Variants in PRKAR1B observed in about 807,000 individuals in gnomAD.
PRKAR1B encodes the protein protein kinase cAMP-dependent type I regulatory subunit beta.
In PRKAR1B, 22 loss-of-function variants were observed where a neutral mutation model predicts 46.5. That is an observed-to-expected ratio of 0.47 (90% CI 0.34 to 0.68). The LOEUF is 0.68. Ranked by LOEUF, PRKAR1B falls within the 30% of genes least tolerant of loss-of-function variation. The pLI is 0.01. For synonymous variants in PRKAR1B, 259 were observed against 217.7 expected (o/e 1.19, Z -1.67); for missense variants, 445 against 535.6 (o/e 0.83, Z 1.67).
In PRKAR1B at chr7:694,951, G is replaced by A. The variant is rs182754900; in HGVS notation, c.178-14225C>T. On this transcript the variant is annotated intron_variant, in intron 2 of 10. Transcript: ENST00000537384. ...CTCGGGAGGCTGAGGCAGGAGAATC[G>A]CTTGAACCCAGGAGGCGGAAGTTGC... Among the ~76,000 whole-genome samples, 448 of 151,356 alleles carry A rather than the reference G, an allele frequency of 3.0e-3. 4 individuals carry two copies. The highest frequency in any genetic ancestry group is 0.01 in the African/African-American group (428 of 41,090).
At chr7:673,060 A>AC (rs1328973282) in intron 4 of PRKAR1B, among the ~76,000 whole-genome samples, 2 of 133,876 alleles carry the variant, frequency 1.5e-5, no homozygotes, top group Non-Finnish European at 3.2e-5. Flanking sequence ...AAAAAAAAAA[A>AC]AAAAAAAAAA....
rs76576126 is a variant in PRKAR1B at position 710,489 on chromosome 7, G to C, written c.177+840C>G. Among the ~76,000 whole-genome samples the C allele has an allele frequency of 6.7e-3, 1,025 of 152,106 alleles. 14 individuals are homozygous for C. Among genetic ancestry groups the C allele is most frequent in the African/African-American group, 0.024 (984 of 41,496 alleles). On this transcript the variant is annotated intron_variant, in intron 2 of 10. Coordinates refer to ENST00000537384, the MANE Select transcript of PRKAR1B (RefSeq NM_001164760.2). ...CAGGAGGCCAGGAAGGGGGTGAGAGGCATCATTCCCGGAGAGAAGACCGTG... is the reference window on the plus strand; with the variant it reads ...CAGGAGGCCAGGAAGGGGGTGAGAGCCATCATTCCCGGAGAGAAGACCGTG...
rs1208474510 is a variant in PRKAR1B at position 693,992 on chromosome 7, G to C, written c.178-13266C>G. On this transcript the variant is annotated intron_variant, in intron 2 of 10. Coordinates refer to ENST00000537384, the MANE Select transcript of PRKAR1B (RefSeq NM_001164760.2). ...TGTACTGCCTTTGCGATAACCGCGA[G>C]ACCTGGACTCGGCCGGGCGTGGTGG... Among the ~76,000 whole-genome samples the C allele has an allele frequency of 3.3e-5, 5 of 152,292 alleles. No individual in the cohort carries two copies. In the South Asian group the frequency reaches 6.2e-4, roughly 19 times the overall value.
intron 4 of PRKAR1B, among the ~76,000 whole-genome samples, chr7:663,029 C>T (rs1477657347): frequency 1.3e-5 from 2 of 152,120 alleles, no homozygotes; most frequent in Non-Finnish European, 2.9e-5. Flanking sequence ...AAAGAGGCCC[C>T]AAGACACTCA....
chr7:654,717 T>A (rs1158323533), intron 4 of PRKAR1B, among the ~76,000 whole-genome samples: 2 of 150,530 alleles, frequency 1.3e-5, no homozygotes. Context: ...ATCATCACCA[T>A]CTACATCATC....
intron 2 of PRKAR1B, among the ~76,000 whole-genome samples, chr7:710,786 A>T (rs1430295184): frequency 2.6e-5 from 4 of 151,554 alleles, no homozygotes; most frequent in Non-Finnish European, 5.9e-5. Flanking sequence ...CTGGGATTAC[A>T]GGCGCCGCCA....
chr7:708,790 A>ATTTT (rs367689443), intron 2 of PRKAR1B, among the ~76,000 whole-genome samples: 1 of 131,788 alleles, frequency 7.6e-6, no homozygotes. Flanking sequence ...CCCGGCCCCA[A>ATTTT]TTTTTTTTTT....
At chr7:610,112 C>T (rs2128467313) in intron 4 of PRKAR1B, among the ~76,000 whole-genome samples, 1 of 152,288 alleles carries the variant, frequency 6.6e-6, no homozygotes, top group South Asian at 2.1e-4. Flanking sequence ...GTTTCCAGTG[C>T]TTCTGGTTCC....
chr7:598,637 G>C (rs980737072), intron 6 of PRKAR1B, among the ~76,000 whole-genome samples: 5 of 143,630 alleles, frequency 3.5e-5, no homozygotes, highest in African/African-American at 1.3e-4. Flanking sequence ...AGCACCCTCC[G>C]CACTAAACAC....
At chr7:579,065 C>A in intron 9 of PRKAR1B, 191 bp downstream of exon 9, 4 of 985,466 alleles carry the variant, frequency 4.1e-6, no homozygotes, top group Non-Finnish European at 4.8e-6. Context: ...TGCTAGAGGG[C>A]AGGAGGAATC....
At chr7:635,628 C>G (rs1035979728) in intron 4 of PRKAR1B, among the ~76,000 whole-genome samples, 4 of 152,118 alleles carry the variant, frequency 2.6e-5, no homozygotes, top group Non-Finnish European at 5.9e-5. Context: ...CCAGGCCCTC[C>G]CAGACTATCC....
intron 2 of PRKAR1B, among the ~76,000 whole-genome samples, chr7:684,469 C>T (rs966761402): frequency 6.6e-6 from 1 of 152,182 alleles, no homozygotes; most frequent in Non-Finnish European, 1.5e-5. Context: ...GGCAGGAACG[C>T]TATCTGAGAT....
At chr7:688,246 T>C (rs1040925153) in intron 2 of PRKAR1B, among the ~76,000 whole-genome samples, 5 of 148,826 alleles carry the variant, frequency 3.4e-5, no homozygotes, top group African/African-American at 1.2e-4. Flanking sequence ...ACTAGAAAAA[T>C]ACAAAAAAAG....
In PRKAR1B at chr7:703,845, G is replaced by A. The variant is rs181033443; in HGVS notation, c.177+7484C>T. Reference sequence around the variant, plus strand: ...ATAAACCACACCTTAACAAAATAAAGATTCAAAACCATATAAGCTATGTTC... The same window carrying A: ...ATAAACCACACCTTAACAAAATAAAAATTCAAAACCATATAAGCTATGTTC... On this transcript the variant is annotated intron_variant, in intron 2 of 10. Coordinates refer to ENST00000537384, the MANE Select transcript of PRKAR1B (RefSeq NM_001164760.2). 1.6e-3 allele frequency among the ~76,000 whole-genome samples: 245 copies of A among 151,814 alleles called. 2 individuals are homozygous for A. The highest frequency in any genetic ancestry group is 6.5e-4 in the Non-Finnish European group (44 of 67,982).
At chr7:622,534 G>A (rs766699908) in intron 4 of PRKAR1B, among the ~76,000 whole-genome samples, 2 of 152,190 alleles carry the variant, frequency 1.3e-5, no homozygotes, top group African/African-American at 4.8e-5. Context: ...CTTCCAACAT[G>A]TCTGATCTTT....
At chr7:656,671 GAATT>G (rs1472779515) in intron 4 of PRKAR1B, among the ~76,000 whole-genome samples, 3 of 152,190 alleles carry the variant, frequency 2.0e-5, no homozygotes, top group East Asian at 3.8e-4. Flanking sequence ...GTGGGTGAAT[GAATT>G]AATGGATTCA....
At chr7:562,108 A>C (rs1583205347) in intron 9 of PRKAR1B, 1 of 152,298 alleles carries the variant, frequency 6.6e-6, no homozygotes, top group Non-Finnish European at 1.5e-5. Flanking sequence ...GGAAAGGGGC[A>C]TGTGGCTGCC....
At chr7:556,628 C>CTCCCGGAAG (rs1280926300) in intron 9 of PRKAR1B, among the ~76,000 whole-genome samples, 1 of 152,232 alleles carries the variant, frequency 6.6e-6, no homozygotes, top group African/African-American at 2.4e-5. Context: ...GCGTTCATCC[C>CTCCCGGAAG]TCCCGGAAGG....
rs181391282 is a variant in PRKAR1B at position 669,860 on chromosome 7, G to A, written c.440+7369C>T. 3.2e-3 allele frequency among the ~76,000 whole-genome samples: 457 copies of A among 143,982 alleles called. 8 individuals carry two copies. The East Asian group carries it at 0.075, about 24-fold the overall frequency. 94.5% of individuals were successfully genotyped at this position (143,982 alleles called of 152,430 possible). A position where few individuals can be genotyped will look rare whatever the true frequency, so the allele number is the denominator to read the frequency against. On this transcript the variant is annotated intron_variant, in intron 4 of 10. Coordinates refer to ENST00000537384, the MANE Select transcript of PRKAR1B (RefSeq NM_001164760.2). The stretch of plus-strand genomic sequence containing the variant: ...AGAGAAGGCTGGTGGGCAGGTCCAC[G>A]TGCCATATTTTTTTTTTTTTTTTGA...
Sources: allele counts gnomAD v4.1 joint callset (sites outside exome capture counted in the v4.1 genomes callset), GRCh38; gene constraint gnomAD v4.1.1; transcripts MANE v1.5; gene names NCBI Gene and HGNC (gene_info 2026-07-23, HGNC 2026-07-21).